The following SNX15 variants were observed in gnomAD, a reference collection of about 807,000 sequenced individuals.
The protein encoded by SNX15 is sorting nexin-15.
A neutral mutation model predicts 35.2 loss-of-function variants in SNX15; 29 were observed. That is an observed-to-expected ratio of 0.82 (90% confidence interval 0.61 to 1.12). The LOEUF (loss-of-function observed/expected upper bound fraction) is 1.12. Among genes scored for constraint, SNX15 ranks in the 50% most tolerant of loss-of-function variants. The pLI is 0.00. For synonymous variants in SNX15, 189 were observed against 188.2 expected, an observed-to-expected ratio of 1.00 and a Z score of -0.03; for missense variants, 400 against 451.5, an observed-to-expected ratio of 0.89 and a Z score of 1.03.
chr11:65,032,076 A>G (rs1946445587), intron 1 of SNX15, 92 bp from the exon 2 acceptor site: 1 of 1,264,784 alleles, frequency 7.9e-7, no homozygotes, highest in Non-Finnish European at 1.2e-6. Flanking sequence ...CTGCCCCGTG[A>G]GGGGGACTAG....
rs1295529192 is a variant in SNX15, at chr11:65,035,546, C to A, written c.547C>A (p.Gln183Lys). 6.2e-7 allele frequency: 1 copy of A among 1,612,776 alleles called. No homozygotes were observed. Among genetic ancestry groups the A allele is most frequent in the East Asian group, 2.2e-5 (1 of 44,826 alleles). ...GGACCCCCCACCATCCAGCCCTGCC[C>A]AGGAGGCCCTGGATCTCCTCTTTAA... ...PVDPPPSSPAQEALDLLFNCE... is the reference protein window; with the variant it reads ...PVDPPPSSPAKEALDLLFNCE... The change falls in exon 6 of 8, where the codon CAG (glutamine) becomes AAG (lysine). Residue 183 changes from glutamine to lysine, a missense_variant. By Grantham distance (53) the Gln-to-Lys change is moderately conservative. Transcript: ENST00000377244.
At chr11:65,038,109 T>A (rs934529807) in intron 6 of SNX15, 6 of 201,766 alleles carry the variant, frequency 3.0e-5, no homozygotes, top group Admixed American at 6.5e-5. Flanking sequence ...GTCTTTACAT[T>A]TGGGGGCCTC....
In SNX15 at chr11:65,032,535, C is replaced by T. The variant is rs769480685; in HGVS notation, c.240C>T (p.Pro80=). The T allele has an allele frequency of 4.3e-6, 7 of 1,614,154 alleles. No homozygotes were observed. In the Admixed American group the frequency reaches 1.2e-4, roughly 27 times the overall value. The change falls in exon 3 of 8, where the codon CCC becomes CCT. Residue 80 remains proline, a synonymous_variant. Coordinates refer to ENST00000377244, the MANE Select transcript of SNX15 (RefSeq NM_013306.5). ...FRRLEEFPAF[P]RAQVFGRFEA... The stretch of plus-strand genomic sequence containing the variant: ...GCCTCGAGGAGTTCCCTGCTTTCCC[C>T]CGGGCCCAGGTGTTTGGTGAGTGTT...
Position 65,035,525 on chromosome 11 carries a change from C to A in SNX15, c.526C>A (p.Pro176Thr). Residue 176 changes from proline (P) to threonine (T), a missense_variant, in exon 6 of 8, where the codon CCC (proline) becomes ACC (threonine). Coordinates refer to ENST00000377244, the MANE Select transcript of SNX15 (RefSeq NM_013306.5). ...CCCACTTATCTCTTCCTCAGTGGAC[C>A]CCCCACCATCCAGCCCTGCCCAGGA... The part of the protein sequence containing the change: ...GLEELEVPVD[P>T]PPSSPAQEAL... 1 of 1,589,360 alleles carries A rather than the reference C, an allele frequency of 6.3e-7. No individual in the cohort carries two copies. The highest frequency in any genetic ancestry group is 8.5e-7 in the Non-Finnish European group (1 of 1,171,032).
intron 1 of SNX15, among the ~76,000 whole-genome samples, chr11:65,029,763 G>GA (rs1946420084): frequency 2.0e-5 from 3 of 151,698 alleles, no homozygotes; most frequent in Admixed American, 2.0e-4. Context: ...TTTTAGTAGA[G>GA]ACGGGATTTC....
At chr11:65,039,621 C>T (rs961944004) in intron 7 of SNX15, 65 bp from the exon 8 acceptor site, 23 of 1,029,816 alleles carry the variant, frequency 2.2e-5, no homozygotes, top group Admixed American at 8.0e-5. Context: ...GTAAAGGACC[C>T]GACCAGGGGT....
chr11:65,039,692 C>T lies in SNX15; in HGVS notation c.929C>T (p.Pro310Leu), dbSNP rs201908657. 10 of 1,612,146 alleles carry T rather than the reference C, an allele frequency of 6.2e-6. No homozygotes were observed. The highest frequency in any genetic ancestry group is 1.6e-4 in the Middle Eastern group (1 of 6,062). Reference protein sequence around the residue: ...HVLLQGVPSDPLPARQEGVKK... With the variant: ...HVLLQGVPSDLLPARQEGVKK... ...GAGCATTCTCTCTCCACAGGTGACC[C>T]GTTGCCTGCCCGCCAGGAAGGTGTG... The change falls in exon 8 of 8, where the codon CCG (proline) becomes CTG (leucine). Residue 310 changes from proline (P) to leucine (L), a missense_variant. Physicochemically the swap from Pro to Leu is moderately conservative, Grantham distance 98. Coordinates refer to ENST00000377244, the MANE Select transcript of SNX15 (RefSeq NM_013306.5).
chr11:65,032,677 CT>C, intron 3 of SNX15, 126 bp downstream of exon 3: 1 of 1,141,180 alleles, frequency 8.8e-7, no homozygotes, highest in Non-Finnish European at 1.3e-6. Flanking sequence ...TGGAAGGGCC[CT>C]TAGAGATGAC....
At chr11:65,029,859 G>A (rs1332471273) in intron 1 of SNX15, among the ~76,000 whole-genome samples, 1 of 151,858 alleles carries the variant, frequency 6.6e-6, no homozygotes, top group African/African-American at 2.4e-5. Context: ...TTACAGGTGT[G>A]AACCACCGCG....
chr11:65,033,675 C>T lies in SNX15; in HGVS notation c.256+1124C>T, dbSNP rs556960468. 5.2e-4 allele frequency among the ~76,000 whole-genome samples: 79 copies of T among 152,018 alleles called. 1 individual carries two copies. The highest frequency in any genetic ancestry group is 1.8e-3 in the African/African-American group (75 of 41,448). ...GACCAGTTGCTTGGGTCTGCATACT[C>T]ATGTGAGATGTTCTTTTTTGTTATT... On this transcript the variant is annotated intron_variant, in intron 3 of 7. Transcript: ENST00000377244.
chr11:65,039,720 G>A lies in SNX15; in HGVS notation c.957G>A (p.Lys319=). The stretch of plus-strand genomic sequence containing the variant: ...TGCCTGCCCGCCAGGAAGGTGTGAA[G>A]AAGAAGGCAGCTGAGTACCTGAAGC... The part of the protein sequence containing the change: ...DPLPARQEGV[K]KKAAEYLKRA... The change falls in exon 8 of 8, where the codon AAG becomes AAA. Residue 319 remains lysine, a synonymous_variant. Transcript: ENST00000377244. 6.2e-7 allele frequency: 1 copy of A among 1,613,726 alleles called. No homozygotes were observed. Among genetic ancestry groups the A allele is most frequent in the Non-Finnish European group, 8.5e-7 (1 of 1,179,870 alleles).
intron 7 of SNX15, 99 bp from the exon 8 acceptor site, chr11:65,039,587 G>A (rs1056867214): frequency 1.5e-6 from 1 of 687,036 alleles, no homozygotes; most frequent in Non-Finnish European, 2.6e-6. Flanking sequence ...GGAGGGAAAA[G>A]CACATGGTGA....
intron 6 of SNX15, chr11:65,037,528 C>T (rs558295927): frequency 4.6e-4 from 70 of 152,332 alleles, no homozygotes; most frequent in African/African-American, 1.6e-3. Flanking sequence ...AGGATCTTTT[C>T]AAGACCCTTC....
chr11:65,034,823 T>C, intron 3 of SNX15, 24 bp from the exon 4 acceptor site: 1 of 1,593,650 alleles, frequency 6.3e-7, no homozygotes, highest in Non-Finnish European at 8.6e-7. Context: ...CACTCTCCCC[T>C]GTTCCTTGTC....
intron 2 of SNX15, 69 bp from the exon 3 acceptor site, chr11:65,032,362 G>A: frequency 6.2e-7 from 1 of 1,610,858 alleles, no homozygotes; most frequent in Non-Finnish European, 8.5e-7. Flanking sequence ...CCCCCTGGGG[G>A]CAGGCTAGGC....
chr11:65,039,026 C>T (rs2458589), intron 7 of SNX15, among the ~76,000 whole-genome samples, 197 bp downstream of exon 7: 15,881 of 80,848 alleles, frequency 0.2, 1,497 homozygotes, highest in South Asian at 0.31. Context: ...TTTTCTTCTT[C>T]CTCTTTTTTT....
chr11:65,029,271 C>A (rs1042002962), intron 1 of SNX15, among the ~76,000 whole-genome samples: 1 of 151,150 alleles, frequency 6.6e-6, no homozygotes, highest in Non-Finnish European at 1.5e-5. Flanking sequence ...ATTCTCCCAC[C>A]TCAACCTCCC....
intron 3 of SNX15, among the ~76,000 whole-genome samples, chr11:65,034,290 G>A (rs982584620): frequency 3.9e-5 from 6 of 152,148 alleles, no homozygotes; most frequent in African/African-American, 9.7e-5. Context: ...GCATGATTGT[G>A]TGCACCTATA....
intron 3 of SNX15, among the ~76,000 whole-genome samples, chr11:65,032,838 A>G (rs1460096265): frequency 1.3e-5 from 2 of 151,784 alleles, no homozygotes; most frequent in African/African-American, 4.8e-5. Context: ...ATCTCAAAGG[A>G]AAAAAAATCC....
Sources: allele counts gnomAD v4.1 joint callset (sites outside exome capture counted in the v4.1 genomes callset), GRCh38; gene constraint gnomAD v4.1.1; transcripts MANE v1.5; gene names NCBI Gene and HGNC (gene_info 2026-07-23, HGNC 2026-07-21).